RIMS1: variants seen among roughly 807,000 people sequenced by gnomAD.
RIMS1 encodes regulating synaptic membrane exocytosis protein 1.
In RIMS1, 83 loss-of-function variants were observed where a neutral mutation model predicts 214.1. The observed-to-expected ratio is 0.39, with a 90% CI of 0.32 to 0.47. RIMS1 has a LOEUF of 0.47. RIMS1 is among the 20% of genes least tolerant of loss of function. The pLI is 0.99. For synonymous variants in RIMS1, 793 were observed against 786.8 expected (o/e 1.01, Z -0.13); for missense variants, 2,050 against 2,161.8 (o/e 0.95, Z 1.03).
Position 71,949,457 on chromosome 6 carries a change from T to C in RIMS1, c.165-19526T>C, listed in dbSNP as rs533615439. Among the ~76,000 whole-genome samples the C allele has an allele frequency of 2.0e-5, 3 of 152,328 alleles. No individual in the cohort carries two copies. In the South Asian group the frequency reaches 6.2e-4, roughly 32 times the overall value. On this transcript the variant is annotated intron_variant, in intron 1 of 33. Coordinates refer to ENST00000521978, the MANE Select transcript of RIMS1 (RefSeq NM_014989.7). ...TTTTCTTTTACACACTGAAGTAGGC[T>C]ATGACTGAGGCTATAGACCACCTCA...
At chr6:71,893,841 C>A (rs1185043005) in intron 1 of RIMS1, among the ~76,000 whole-genome samples, 1 of 152,126 alleles carries the variant, frequency 6.6e-6, no homozygotes. Context: ...TACTTAAAGG[C>A]AAAATAGAGC....
rs954491904 is a variant in RIMS1, at chr6:72,182,787, C to T, written c.1316C>T (p.Pro439Leu). 1.9e-6 allele frequency: 3 copies of T among 1,546,058 alleles called. No homozygotes were observed. The highest frequency in any genetic ancestry group is 1.4e-5 in the African/African-American group (1 of 73,160). ...GAGAGAACTGCGGAGACCAGGGCGCCGGGCGCCAAGCAGCTAACGAACCAC... is the reference window on the plus strand; with the variant it reads ...GAGAGAACTGCGGAGACCAGGGCGCTGGGCGCCAAGCAGCTAACGAACCAC... ...SAERTAETRA[P>L]GAKQLTNHSP... The change falls in exon 6 of 34, where the codon CCG becomes CTG. Residue 439 changes from proline (P) to leucine (L), a missense_variant. Pro to Leu is a moderately conservative substitution (Grantham distance 98, BLOSUM62 -3). Around this residue, in one of 6 missense-constraint regions of RIMS1, gnomAD observed 882 missense variants for 828.9 expected, o/e 1.06. Transcript: ENST00000521978.
At chr6:72,217,844 A>T (rs778020161) in intron 6 of RIMS1, among the ~76,000 whole-genome samples, 6 of 152,196 alleles carry the variant, frequency 3.9e-5, no homozygotes, top group Non-Finnish European at 8.8e-5. Flanking sequence ...AGGAAAGAGA[A>T]GTGTAATCTT....
At chr6:72,365,317 A>G (rs1280843412) in intron 29 of RIMS1, among the ~76,000 whole-genome samples, 1 of 152,222 alleles carries the variant, frequency 6.6e-6, no homozygotes, top group African/African-American at 2.4e-5. Flanking sequence ...GCACCCAACC[A>G]TGGCATTCCA....
Position 72,314,121 on chromosome 6 carries a change from C to T in RIMS1, c.4130+449C>T, listed in dbSNP as rs956167881. ...TTAACAAAATAGACATCCCTAGTTA[C>T]GTTATGAGTTGAAAGGCATTTGCGT... On this transcript the variant is annotated intron_variant, in intron 28 of 33. Coordinates refer to ENST00000521978, the MANE Select transcript of RIMS1 (RefSeq NM_014989.7). Among the ~76,000 whole-genome samples the T allele has an allele frequency of 3.9e-5, 6 of 152,004 alleles. No individual in the cohort carries two copies. The South Asian group carries it at 6.2e-4, about 16-fold the overall frequency.
At chr6:72,046,226 A>G (rs1357384827) in intron 2 of RIMS1, among the ~76,000 whole-genome samples, 1 of 151,684 alleles carries the variant, frequency 6.6e-6, no homozygotes, top group Non-Finnish European at 1.5e-5. Context: ...TATTTACGTA[A>G]CCCTCTGGTT....
At chr6:71,955,903 T>C (rs558570870) in intron 1 of RIMS1, among the ~76,000 whole-genome samples, 1 of 152,226 alleles carries the variant, frequency 6.6e-6, no homozygotes, top group Non-Finnish European at 1.5e-5. Flanking sequence ...TATGGGTGAT[T>C]TGAATTGATA....
chr6:72,247,382 A>T (rs773993799), intron 11 of RIMS1, among the ~76,000 whole-genome samples: 1 of 152,022 alleles, frequency 6.6e-6, no homozygotes, highest in Non-Finnish European at 1.5e-5. Flanking sequence ...CTAAAAATAC[A>T]AAATTAGCCG....
intron 29 of RIMS1, among the ~76,000 whole-genome samples, chr6:72,363,910 TG>T: frequency 6.6e-6 from 1 of 152,308 alleles, no homozygotes; most frequent in South Asian, 2.1e-4. Context: ...GGTGGTAGTG[TG>T]GGGGAGGAAA....
intron 2 of RIMS1, among the ~76,000 whole-genome samples, chr6:72,091,125 CT>C (rs1262345171): frequency 6.6e-6 from 1 of 152,226 alleles, no homozygotes; most frequent in Non-Finnish European, 1.5e-5. Flanking sequence ...AGCAATCCTC[CT>C]GTTGGAAGTC....
chr6:71,924,648 A>AAAAAAAAAAAAAAAAAAAAAAG (rs1781028673), intron 1 of RIMS1, among the ~76,000 whole-genome samples: 1 of 149,710 alleles, frequency 6.7e-6, no homozygotes, highest in African/African-American at 2.5e-5. Flanking sequence ...AAAAAAAAAA[A>AAAAAAAAAAAAAAAAAAAAAAG]TGCAGAAAAT....
chr6:72,040,347 G>C (rs1206175163), intron 2 of RIMS1, among the ~76,000 whole-genome samples: 1 of 151,986 alleles, frequency 6.6e-6, no homozygotes, highest in Non-Finnish European at 1.5e-5. Context: ...AGGACTTAAT[G>C]AATAGTAGTC....
intron 22 of RIMS1, 122 bp downstream of exon 22, chr6:72,266,171 T>A (rs2080428770): frequency 1.3e-6 from 1 of 749,556 alleles, no homozygotes; most frequent in Non-Finnish European, 2.3e-6. Context: ...GCTAACTGTC[T>A]ACATTTCCCC....
At chr6:72,214,632 CA>C (rs1269604442) in intron 6 of RIMS1, among the ~76,000 whole-genome samples, 1 of 151,150 alleles carries the variant, frequency 6.6e-6, no homozygotes, top group African/African-American at 2.4e-5. Flanking sequence ...TTTTAAATCT[CA>C]AAACTCAAGC....
chr6:72,024,261 T>C (rs1815648614), intron 2 of RIMS1, among the ~76,000 whole-genome samples: 1 of 152,124 alleles, frequency 6.6e-6, no homozygotes, highest in Admixed American at 6.5e-5. Flanking sequence ...TCTTCTTCTG[T>C]TCCTAGGGTT....
At chr6:72,386,183 CT>C (rs2098598430) in intron 29 of RIMS1, among the ~76,000 whole-genome samples, 1 of 152,136 alleles carries the variant, frequency 6.6e-6, no homozygotes, top group African/African-American at 2.4e-5. Context: ...TTTAAGAAAA[CT>C]TGATATCCCA....
intron 6 of RIMS1, among the ~76,000 whole-genome samples, chr6:72,229,354 T>C (rs1207420809): frequency 3.3e-5 from 5 of 151,932 alleles, no homozygotes; most frequent in African/African-American, 1.2e-4. Flanking sequence ...TTGTGAAAGA[T>C]AATTTATGTA....
At chr6:72,216,879 C>T (rs770916083) in intron 6 of RIMS1, 8 of 1,073,644 alleles carry the variant, frequency 7.5e-6, no homozygotes, top group Non-Finnish European at 9.0e-6. Flanking sequence ...GTATGCTACA[C>T]TGGGAGCCAC....
intron 1 of RIMS1, among the ~76,000 whole-genome samples, chr6:71,952,591 A>G (rs1789980753): frequency 6.6e-6 from 1 of 152,226 alleles, no homozygotes; most frequent in Non-Finnish European, 1.5e-5. Context: ...TCCTACTGCG[A>G]AACACCAGGA....
Sources: allele counts gnomAD v4.1 joint callset (sites outside exome capture counted in the v4.1 genomes callset), GRCh38; gene constraint gnomAD v4.1.1; regional missense constraint gnomAD v4.1.1; transcripts MANE v1.5; gene names NCBI Gene and HGNC (gene_info 2026-07-23, HGNC 2026-07-21).